The following ZNF804B variants were observed in gnomAD, a reference collection of about 807,000 sequenced individuals.
ZNF804B encodes the protein zinc finger protein 804B, also known as zinc finger 804B.
A neutral mutation model predicts 101.4 loss-of-function variants in ZNF804B; 80 were observed. That is an observed-to-expected ratio of 0.79 (90% CI 0.66 to 0.95). The LOEUF (loss-of-function observed/expected upper bound fraction) is 0.95. Among genes scored for constraint, ZNF804B ranks in the 40% least tolerant of loss-of-function variants. ZNF804B has a pLI of 0.00. For missense variants in ZNF804B, 1,673 were observed against 1,561.9 expected (o/e 1.07, Z -1.20); for synonymous variants, 622 against 558.8 (o/e 1.11, Z -1.59).
chr7:89,230,308 GGA>G (rs58208342), intron 2 of ZNF804B, among the ~76,000 whole-genome samples: 18,542 of 148,884 alleles, frequency 0.12, 1,219 homozygotes, highest in Middle Eastern at 0.25. Context: ...ATGGGGAGGG[GGA>G]GAGAGAGAGA....
At chr7:89,013,498 A>G in intron 1 of ZNF804B, among the ~76,000 whole-genome samples, 1 of 152,086 alleles carries the variant, frequency 6.6e-6, no homozygotes, top group Non-Finnish European at 1.5e-5. Context: ...GAGATTCTTT[A>G]TTTTTATTTT....
intron 1 of ZNF804B, among the ~76,000 whole-genome samples, chr7:88,806,056 T>C (rs1322767078): frequency 6.6e-6 from 1 of 152,022 alleles, no homozygotes; most frequent in East Asian, 1.9e-4. Context: ...TTCTAACCCA[T>C]TGATTTAGCT....
intron 1 of ZNF804B, among the ~76,000 whole-genome samples, chr7:88,853,708 T>C (rs1212396892): frequency 6.6e-6 from 1 of 152,142 alleles, no homozygotes; most frequent in Non-Finnish European, 1.5e-5. Context: ...GAACTATCAA[T>C]GTACCAAGTT....
chr7:88,847,954 A>G (rs905189698), intron 1 of ZNF804B, among the ~76,000 whole-genome samples: 31 of 152,324 alleles, frequency 2.0e-4, no homozygotes, highest in African/African-American at 7.0e-4. Context: ...CATGATTCAC[A>G]GACATGAATC....
At chr7:89,294,790 G>T (rs890965581) in intron 2 of ZNF804B, among the ~76,000 whole-genome samples, 1 of 151,500 alleles carries the variant, frequency 6.6e-6, no homozygotes, top group African/African-American at 2.4e-5. Flanking sequence ...TTTAAGTTCT[G>T]GGAGAATTCC....
chr7:89,218,124 C>T lies in ZNF804B; in HGVS notation c.109-31C>T, dbSNP rs777121353. On this transcript the variant is annotated intron_variant, in intron 1 of 3. Coordinates refer to ENST00000333190, the MANE Select transcript of ZNF804B (RefSeq NM_181646.5). ...TCTGGTTATGCTATTAGAGAGAAGTCTAACCAACATTTATGTATTTTTTCT... is the reference window on the plus strand; with the variant it reads ...TCTGGTTATGCTATTAGAGAGAAGTTTAACCAACATTTATGTATTTTTTCT... 5 of 1,596,778 alleles carry T rather than the reference C, an allele frequency of 3.1e-6. No individual in the cohort carries two copies. The East Asian group carries it at 1.1e-4, about 36-fold the overall frequency.
At chr7:89,278,732 C>T (rs1295849794) in intron 2 of ZNF804B, among the ~76,000 whole-genome samples, 2 of 149,588 alleles carry the variant, frequency 1.3e-5, no homozygotes, top group Non-Finnish European at 3.0e-5. Flanking sequence ...GTACCAGTAC[C>T]ATGCTGTTTT....
At chr7:88,893,339 C>T (rs994543504) in intron 1 of ZNF804B, among the ~76,000 whole-genome samples, 3 of 151,998 alleles carry the variant, frequency 2.0e-5, no homozygotes, top group African/African-American at 4.8e-5. Context: ...ATCTATCATC[C>T]GTATTGCTTT....
At chr7:89,004,742 CT>C (rs1217350382) in intron 1 of ZNF804B, among the ~76,000 whole-genome samples, 2 of 151,784 alleles carry the variant, frequency 1.3e-5, no homozygotes, top group African/African-American at 2.4e-5. Flanking sequence ...CAGGGTCCTC[CT>C]TTTAGATACT....
intron 1 of ZNF804B, among the ~76,000 whole-genome samples, chr7:89,160,161 CTATTT>C (rs1436969255): frequency 1.3e-5 from 2 of 152,046 alleles, no homozygotes; most frequent in Admixed American, 6.6e-5. Flanking sequence ...ATTAATTATT[CTATTT>C]TAATTTGGCC....
chr7:89,303,603 C>T (rs1046295310), intron 2 of ZNF804B, among the ~76,000 whole-genome samples: 1 of 151,858 alleles, frequency 6.6e-6, no homozygotes, highest in African/African-American at 2.4e-5. Context: ...GATGTAGATG[C>T]AAATAGTACT....
At chr7:88,921,911 C>G (rs549416336) in intron 1 of ZNF804B, among the ~76,000 whole-genome samples, 60 of 152,126 alleles carry the variant, frequency 3.9e-4, no homozygotes, top group African/African-American at 1.4e-3. Context: ...ATATAACTAG[C>G]TGTGCCTCAC....
chr7:89,078,399 C>A (rs1349393849), intron 1 of ZNF804B, among the ~76,000 whole-genome samples: 3 of 152,038 alleles, frequency 2.0e-5, no homozygotes, highest in African/African-American at 7.2e-5. Flanking sequence ...TAATTTGATG[C>A]AGCCTCTAAA....
intron 1 of ZNF804B, among the ~76,000 whole-genome samples, chr7:89,148,321 C>A (rs1038472512): frequency 6.6e-6 from 1 of 152,004 alleles, no homozygotes; most frequent in Non-Finnish European, 1.5e-5. Context: ...ATTATTTAAT[C>A]ATATTAGTTA....
chr7:88,880,033 G>GA (rs1306354206), intron 1 of ZNF804B, among the ~76,000 whole-genome samples: 3 of 144,314 alleles, frequency 2.1e-5, no homozygotes, highest in African/African-American at 5.4e-5. Flanking sequence ...GCTACACAGC[G>GA]AGACTGTCTT....
At chr7:88,820,765 A>C (rs1790964652) in intron 1 of ZNF804B, among the ~76,000 whole-genome samples, 1 of 152,050 alleles carries the variant, frequency 6.6e-6, no homozygotes, top group Non-Finnish European at 1.5e-5. Flanking sequence ...AAGGATTTGG[A>C]AAGAAAGAGA....
At chr7:89,159,711 C>T (rs1791030357) in intron 1 of ZNF804B, among the ~76,000 whole-genome samples, 2 of 152,068 alleles carry the variant, frequency 1.3e-5, no homozygotes, top group Non-Finnish European at 2.9e-5. Flanking sequence ...GAATTTTGCT[C>T]ACCAATTTGA....
rs554608028 is a variant in ZNF804B at position 88,878,952 on chromosome 7, T to TCC, written c.108+118869_108+118870dup. Among the ~76,000 whole-genome samples, 222 of 152,262 alleles carry TCC rather than the reference T, an allele frequency of 1.5e-3. 2 individuals carry two copies. The highest frequency in any genetic ancestry group is 6.3e-4 in the Non-Finnish European group (43 of 68,018). ...ATACCTTATGCTTCCGCTCCTCTAGTCCTCATTCTACTCATGCTTCAGTAC... is the reference window on the plus strand; with the variant it reads ...ATACCTTATGCTTCCGCTCCTCTAGTCCCCTCATTCTACTCATGCTTCAGTAC... On this transcript the variant is annotated intron_variant, in intron 1 of 3. Transcript: ENST00000333190.
At chr7:88,936,918 A>G (rs550044706) in intron 1 of ZNF804B, among the ~76,000 whole-genome samples, 10 of 152,178 alleles carry the variant, frequency 6.6e-5, no homozygotes, top group East Asian at 1.9e-4. Flanking sequence ...AGCTTCAACA[A>G]TTACATTTAA....
Sources: allele counts gnomAD v4.1 joint callset (sites outside exome capture counted in the v4.1 genomes callset), GRCh38; gene constraint gnomAD v4.1.1; transcripts MANE v1.5; gene names NCBI Gene and HGNC (gene_info 2026-07-23, HGNC 2026-07-21).